Variants in RIMS2 observed in about 807,000 individuals in gnomAD.
RIMS2 encodes the protein regulating synaptic membrane exocytosis 2.
Under a neutral mutation model 174.4 loss-of-function variants are expected in RIMS2, and 59 were observed. That is an observed-to-expected ratio of 0.34 (90% CI 0.27 to 0.42). The LOEUF (loss-of-function observed/expected upper bound fraction) is 0.42, where lower values mean the gene tolerates loss of function less well. Ranked by LOEUF, RIMS2 falls within the 10% of genes least tolerant of loss-of-function variation. RIMS2 has a pLI of 1.00. For missense variants in RIMS2, 1,620 were observed against 1,666.3 expected (o/e 0.97, Z 0.48); for synonymous variants, 606 against 572.5 (o/e 1.06, Z -0.84).
At chr8:103,902,507 CTCCATGG>C (rs893453832) in intron 4 of RIMS2, among the ~76,000 whole-genome samples, 2 of 152,264 alleles carry the variant, frequency 1.3e-5, no homozygotes, top group African/African-American at 4.8e-5. Flanking sequence ...TCTGAAGCAA[CTCCATGG>C]AACATAGTTT....
In RIMS2 at chr8:103,807,421, G is replaced by T. The variant is rs959795928; in HGVS notation, c.698+40884G>T. On this transcript the variant is annotated intron_variant, in intron 3 of 23. Transcript: ENST00000504942. The stretch of plus-strand genomic sequence containing the variant: ...AATAGAACATTAGTGCTAGAAAATT[G>T]ATTAGTATGGATTTAAAAGAGGATG... Among the ~76,000 whole-genome samples, 25 of 152,078 alleles carry T rather than the reference G, an allele frequency of 1.6e-4. 1 individual carries two copies. The highest frequency in any genetic ancestry group is 1.3e-3 in the Admixed American group (20 of 15,256).
At chr8:103,857,632 A>G (rs1323892918) in intron 3 of RIMS2, among the ~76,000 whole-genome samples, 1 of 152,146 alleles carries the variant, frequency 6.6e-6, no homozygotes, top group African/African-American at 2.4e-5. Context: ...GATACACAAT[A>G]TTTAATATTT....
intron 2 of RIMS2, among the ~76,000 whole-genome samples, chr8:103,732,560 G>T (rs2138959469): frequency 6.6e-6 from 1 of 152,168 alleles, no homozygotes; most frequent in South Asian, 2.1e-4. Context: ...ATCCTGGGTG[G>T]GTCCAGAGAT....
intron 14 of RIMS2, among the ~76,000 whole-genome samples, chr8:103,948,292 A>G (rs373427169): frequency 6.6e-6 from 1 of 152,340 alleles, no homozygotes; most frequent in African/African-American, 2.4e-5. Context: ...TTTGTTAAAA[A>G]GTTAAAAATA....
chr8:104,228,316 C>G (rs1335803781), intron 19 of RIMS2, among the ~76,000 whole-genome samples: 1 of 152,118 alleles, frequency 6.6e-6, no homozygotes, highest in Non-Finnish European at 1.5e-5. Context: ...GCATGAGCCA[C>G]CGTGCCCGGC....
At chr8:103,524,055 G>A (rs1206786459) in intron 1 of RIMS2, among the ~76,000 whole-genome samples, 2 of 152,054 alleles carry the variant, frequency 1.3e-5, no homozygotes, top group Non-Finnish European at 2.9e-5. Context: ...AATAAAAATT[G>A]GATTATATTT....
chr8:103,939,362 G>A (rs959217916), intron 13 of RIMS2, among the ~76,000 whole-genome samples: 1 of 152,198 alleles, frequency 6.6e-6, no homozygotes, highest in Admixed American at 6.5e-5. Flanking sequence ...CTGACGCCAT[G>A]GCCCAAGCTG....
chr8:103,709,493 T>C (rs563337567), intron 2 of RIMS2, among the ~76,000 whole-genome samples: 4 of 152,262 alleles, frequency 2.6e-5, no homozygotes, highest in South Asian at 4.1e-4. Context: ...AACAGTTTGA[T>C]ACTTTTACAC....
chr8:103,867,414 A>T (rs2099089148), intron 3 of RIMS2, among the ~76,000 whole-genome samples: 1 of 151,834 alleles, frequency 6.6e-6, no homozygotes, highest in South Asian at 2.1e-4. Flanking sequence ...GAAAACATAA[A>T]TGTTTATAAT....
At chr8:103,609,615 C>A (rs995251589) in intron 1 of RIMS2, among the ~76,000 whole-genome samples, 8 of 152,108 alleles carry the variant, frequency 5.3e-5, no homozygotes, top group Admixed American at 5.2e-4. Flanking sequence ...ATTAGGAAGT[C>A]CTTTATTGCT....
chr8:104,095,524 C>G (rs2097744903), intron 19 of RIMS2, among the ~76,000 whole-genome samples: 1 of 152,056 alleles, frequency 6.6e-6, no homozygotes, highest in Non-Finnish European at 1.5e-5. Flanking sequence ...TTTCATAGCA[C>G]AAGTCAGTAA....
intron 1 of RIMS2, among the ~76,000 whole-genome samples, chr8:103,542,189 T>A (rs1390008186): frequency 6.6e-6 from 1 of 151,892 alleles, no homozygotes; most frequent in African/African-American, 2.4e-5. Flanking sequence ...ACACAAAAGA[T>A]CATAAAAGTC....
intron 1 of RIMS2, among the ~76,000 whole-genome samples, chr8:103,631,082 C>T (rs1286891193): frequency 6.6e-6 from 1 of 152,178 alleles, no homozygotes; most frequent in Non-Finnish European, 1.5e-5. Context: ...TCTGTTTACT[C>T]TGTTGATAGT....
intron 2 of RIMS2, among the ~76,000 whole-genome samples, chr8:103,758,567 T>A (rs1181920255): frequency 6.6e-6 from 1 of 152,166 alleles, no homozygotes; most frequent in Admixed American, 6.5e-5. Flanking sequence ...CACTTCTAGT[T>A]CTGTTAAACC....
intron 2 of RIMS2, among the ~76,000 whole-genome samples, chr8:103,759,409 C>CA (rs2098079765): frequency 6.6e-6 from 1 of 151,538 alleles, no homozygotes; most frequent in Non-Finnish European, 1.5e-5. Flanking sequence ...ACTAAAAATA[C>CA]AAAAAATTAG....
chr8:104,105,354 T>C (rs961153943), intron 19 of RIMS2, among the ~76,000 whole-genome samples: 2 of 152,182 alleles, frequency 1.3e-5, no homozygotes, highest in South Asian at 2.1e-4. Flanking sequence ...TATTTGTTAC[T>C]AGAAAGAACC....
intron 1 of RIMS2, among the ~76,000 whole-genome samples, chr8:103,665,085 A>G (rs1203449297): frequency 6.6e-6 from 1 of 152,178 alleles, no homozygotes; most frequent in Middle Eastern, 3.2e-3. Context: ...ATGAGAACAC[A>G]TGGACACAGG....
chr8:104,134,592 C>G (rs1411350744), intron 19 of RIMS2, among the ~76,000 whole-genome samples: 1 of 152,218 alleles, frequency 6.6e-6, no homozygotes, highest in Admixed American at 6.5e-5. Flanking sequence ...ATTGTGTAAG[C>G]TGAACCAATT....
chr8:103,728,745 C>CTTTTTT (rs1311572866), intron 2 of RIMS2, among the ~76,000 whole-genome samples: 8 of 68,146 alleles, frequency 1.2e-4, no homozygotes, highest in African/African-American at 2.3e-4. Context: ...AGGTATGCTC[C>CTTTTTT]TTCTTTTTTT....
Sources: allele counts gnomAD v4.1 joint callset (sites outside exome capture counted in the v4.1 genomes callset), GRCh38; gene constraint gnomAD v4.1.1; transcripts MANE v1.5; gene names NCBI Gene and HGNC (gene_info 2026-07-23, HGNC 2026-07-21).